The following CLINT1 variants were observed in gnomAD, a reference collection of about 807,000 sequenced individuals.
CLINT1 encodes clathrin interacting protein localized in the trans-Golgi region.
A neutral mutation model predicts 70.4 loss-of-function variants in CLINT1; 15 were observed. The ratio of observed to expected loss-of-function variants is 0.21; its 90% confidence interval spans 0.14 to 0.33. The LOEUF is 0.33. Among genes scored for constraint, CLINT1 ranks in the 10% least tolerant of loss-of-function variants. CLINT1 has a pLI of 1.00. For missense variants in CLINT1, 615 were observed against 778.1 expected (o/e 0.79, Z 2.49); for synonymous variants, 227 against 254.7 (o/e 0.89, Z 1.04).
At chr5:157,818,551 AG>A (rs1272111385) in intron 1 of CLINT1, among the ~76,000 whole-genome samples, 2 of 150,046 alleles carry the variant, frequency 1.3e-5, no homozygotes, top group African/African-American at 4.9e-5. Flanking sequence ...AGGGAGGCTG[AG>A]GTGGGAAGAT....
In CLINT1 at chr5:157,787,805, G is replaced by A. The variant is rs751816685; in HGVS notation, c.1719C>T (p.Asn573=). The A allele has an allele frequency of 4.3e-6, 7 of 1,613,962 alleles. No individual in the cohort carries two copies. Among genetic ancestry groups the A allele is most frequent in the Non-Finnish European group, 5.1e-6 (6 of 1,179,884 alleles). The part of the protein sequence containing the change: ...MAPLGNTPMM[N]QSMMGMNMNI... ...TCATGTTCATGCCCATCATGCTCTG[G>A]TTCATCATCGGAGTATTTCCAAGAG... Residue 573 remains asparagine, a synonymous_variant, in exon 12 of 12, where the codon AAC becomes AAT. Transcript: ENST00000411809.
At chr5:157,821,876 C>T (rs1353254859) in intron 1 of CLINT1, among the ~76,000 whole-genome samples, 1 of 152,190 alleles carries the variant, frequency 6.6e-6, no homozygotes, top group Non-Finnish European at 1.5e-5. Flanking sequence ...TAGACACAAT[C>T]ATTATTGTTT....
chr5:157,804,634 A>G (rs926151273), intron 7 of CLINT1, among the ~76,000 whole-genome samples: 3 of 152,110 alleles, frequency 2.0e-5, no homozygotes, highest in African/African-American at 7.2e-5. Flanking sequence ...AAAAAGAAAA[A>G]GCTTGTACTG....
chr5:157,809,883 G>A, intron 5 of CLINT1, 78 bp from the exon 6 acceptor site: 2 of 1,345,848 alleles, frequency 1.5e-6, no homozygotes, highest in Non-Finnish European at 2.0e-6. Context: ...TATTTCTCAG[G>A]CTTTTCCTCA....
At chr5:157,808,110 T>C (rs1313698678) in intron 6 of CLINT1, among the ~76,000 whole-genome samples, 3 of 152,102 alleles carry the variant, frequency 2.0e-5, no homozygotes, top group Non-Finnish European at 4.4e-5. Context: ...ATACTAAACA[T>C]TGGGAGGGAA....
At chr5:157,827,569 C>T (rs967940035) in intron 1 of CLINT1, among the ~76,000 whole-genome samples, 1 of 152,142 alleles carries the variant, frequency 6.6e-6, no homozygotes, top group Non-Finnish European at 1.5e-5. Context: ...CTTAAACTGG[C>T]AACTTTTCAA....
intron 1 of CLINT1, among the ~76,000 whole-genome samples, chr5:157,830,794 C>CTATATATATA (rs1190577088): frequency 2.8e-5 from 3 of 106,688 alleles, no homozygotes; most frequent in African/African-American, 1.2e-4. Context: ...CTCTCTCTCT[C>CTATATATATA]TCTATATATA....
chr5:157,832,539 C>T (rs1346760059), intron 1 of CLINT1, among the ~76,000 whole-genome samples: 2 of 152,194 alleles, frequency 1.3e-5, no homozygotes, highest in Non-Finnish European at 2.9e-5. Context: ...ACACTTCTAG[C>T]TGAGATTCCT....
chr5:157,796,295 T>G (rs1298153884), intron 8 of CLINT1: 1 of 152,256 alleles, frequency 6.6e-6, no homozygotes, highest in Non-Finnish European at 1.5e-5. Flanking sequence ...CATAAAATTT[T>G]ATTTGTAAAT....
chr5:157,848,843 G>C (rs567132444), intron 1 of CLINT1, among the ~76,000 whole-genome samples: 2 of 151,496 alleles, frequency 1.3e-5, no homozygotes, highest in African/African-American at 4.8e-5. Flanking sequence ...TGTATTTTTA[G>C]TAGAGACGGG....
chr5:157,833,682 C>T (rs1422649299), intron 1 of CLINT1, among the ~76,000 whole-genome samples: 2 of 152,196 alleles, frequency 1.3e-5, no homozygotes, highest in Non-Finnish European at 2.9e-5. Context: ...GCAGCTCACA[C>T]CTGCAATCCC....
At position 157,851,832 on chromosome 5, in the gene CLINT1, G is replaced by C. The variant is rs181463158; in HGVS notation, c.41+7098C>G. ...ATTCGTTAGCTAAATCTATCCACAA[G>C]TAATAAGTAGCTATAAATTGGCTCA... On this transcript the variant is annotated intron_variant, in intron 1 of 11. Coordinates refer to ENST00000411809, the MANE Select transcript of CLINT1 (RefSeq NM_014666.4). 3.1e-3 allele frequency among the ~76,000 whole-genome samples: 475 copies of C among 152,044 alleles called. 4 individuals are homozygous for C. Among genetic ancestry groups the C allele is most frequent in the African/African-American group, 0.011 (447 of 41,458 alleles).
intron 5 of CLINT1, among the ~76,000 whole-genome samples, chr5:157,811,587 T>A (rs956689253): frequency 6.6e-6 from 1 of 150,972 alleles, no homozygotes; most frequent in Non-Finnish European, 1.5e-5. Context: ...GAGTGATTAG[T>A]TAAGTCTGAA....
intron 1 of CLINT1, among the ~76,000 whole-genome samples, chr5:157,836,192 T>C (rs1313629888): frequency 6.6e-6 from 1 of 152,218 alleles, no homozygotes; most frequent in East Asian, 1.9e-4. Flanking sequence ...TTAATACACA[T>C]AACTCTAATG....
intron 9 of CLINT1, among the ~76,000 whole-genome samples, chr5:157,793,616 T>A (rs1761981994): frequency 6.6e-6 from 1 of 152,170 alleles, no homozygotes; most frequent in African/African-American, 2.4e-5. Context: ...ACTTTGAGAA[T>A]TAGACAGGGA....
chr5:157,793,005 C>T (rs1017838158), intron 9 of CLINT1, among the ~76,000 whole-genome samples: 3 of 152,152 alleles, frequency 2.0e-5, no homozygotes, highest in African/African-American at 7.2e-5. Flanking sequence ...TGACCAACCA[C>T]TACAATACCA....
At chr5:157,791,100 C>T (rs573410357) in intron 10 of CLINT1, among the ~76,000 whole-genome samples, 1 of 152,056 alleles carries the variant, frequency 6.6e-6, no homozygotes, top group Non-Finnish European at 1.5e-5. Flanking sequence ...ACTCTGTCGC[C>T]CAGGCTGGAG....
intron 11 of CLINT1, among the ~76,000 whole-genome samples, chr5:157,788,824 C>T (rs1442798884): frequency 6.6e-6 from 1 of 151,906 alleles, no homozygotes; most frequent in African/African-American, 2.4e-5. Flanking sequence ...AAAAATTAGC[C>T]AGGTGTGGCG....
intron 1 of CLINT1, among the ~76,000 whole-genome samples, chr5:157,828,940 A>T (rs1348590347): frequency 6.6e-6 from 1 of 151,264 alleles, no homozygotes; most frequent in African/African-American, 2.4e-5. Flanking sequence ...AAAAAAAAAA[A>T]AAAAAAAAAA....
Sources: allele counts gnomAD v4.1 joint callset (sites outside exome capture counted in the v4.1 genomes callset), GRCh38; gene constraint gnomAD v4.1.1; transcripts MANE v1.5; gene names NCBI Gene and HGNC (gene_info 2026-07-23, HGNC 2026-07-21).